AFG2A: variants seen among roughly 807,000 people sequenced by gnomAD.
AFG2A encodes AAA ATPase AFG2A.
At chr4:122,942,940 C>A in the AFG2A span, among the ~76,000 whole-genome samples, 5 of 151,798 alleles carry the variant, frequency 3.3e-5, no homozygotes, top group African/African-American at 1.2e-4. Flanking sequence ...TGTAGTTGAG[C>A]AGTTTTGAGT....
chr4:123,194,063 G>C, the AFG2A span, among the ~76,000 whole-genome samples: 1 of 152,154 alleles, frequency 6.6e-6, no homozygotes, highest in Non-Finnish European at 1.5e-5. Context: ...TTTCCACTGC[G>C]TCCTAGGGTG....
At chr4:122,996,569 G>GCAGATAGATAGATAGATAGA in the AFG2A span, among the ~76,000 whole-genome samples, 8 of 106,354 alleles carry the variant, frequency 7.5e-5, no homozygotes, top group Admixed American at 3.0e-4. Flanking sequence ...AGGTAGGTAG[G>GCAGATAGATAGATAGATAGA]CAGATAGATA....
chr4:123,163,202 G>T, the AFG2A span, among the ~76,000 whole-genome samples: 247 of 152,274 alleles, frequency 1.6e-3, 1 homozygote, highest in Middle Eastern at 0.014. Flanking sequence ...TTGGGAGGCC[G>T]AGGCGGGTGG....
the AFG2A span, among the ~76,000 whole-genome samples, chr4:122,964,694 C>CA: frequency 6.6e-6 from 1 of 152,104 alleles, no homozygotes; most frequent in Non-Finnish European, 1.5e-5. Flanking sequence ...GTGCCTTCCA[C>CA]AGTGCCATTA....
chr4:123,079,809 G>A, the AFG2A span, among the ~76,000 whole-genome samples: 6 of 137,604 alleles, frequency 4.4e-5, no homozygotes, highest in African/African-American at 1.7e-4. Context: ...GAATGCAGTG[G>A]CGAGGTCTCA....
At chr4:123,234,407 T>C in the AFG2A span, among the ~76,000 whole-genome samples, 1 of 152,146 alleles carries the variant, frequency 6.6e-6, no homozygotes, top group African/African-American at 2.4e-5. Flanking sequence ...AGGATTGCAC[T>C]AATTACCATA....
At chr4:123,145,751 A>T in the AFG2A span, among the ~76,000 whole-genome samples, 1 of 152,088 alleles carries the variant, frequency 6.6e-6, no homozygotes, top group East Asian at 1.9e-4. Flanking sequence ...ACTGATCCCC[A>T]ATGAGGTATA....
At chr4:123,069,541 A>G in the AFG2A span, among the ~76,000 whole-genome samples, 179 of 152,310 alleles carry the variant, frequency 1.2e-3, no homozygotes, top group Non-Finnish European at 2.1e-3. Context: ...TTTGGTATAG[A>G]TTCAAGAAAC....
the AFG2A span, among the ~76,000 whole-genome samples, chr4:123,018,446 A>T: frequency 6.6e-6 from 1 of 152,224 alleles, no homozygotes; most frequent in Non-Finnish European, 1.5e-5. Context: ...TTAAGCATAA[A>T]GTACTATTTG....
the AFG2A span, among the ~76,000 whole-genome samples, chr4:123,137,342 G>A: frequency 3.9e-5 from 6 of 152,176 alleles, no homozygotes; most frequent in African/African-American, 1.4e-4. Flanking sequence ...AAATGATGAA[G>A]TCTCCAAGTG....
At chr4:123,191,548 A>G in the AFG2A span, among the ~76,000 whole-genome samples, 3 of 152,176 alleles carry the variant, frequency 2.0e-5, no homozygotes, top group Admixed American at 1.3e-4. Flanking sequence ...CATACAAGGT[A>G]CATTCTCCAG....
the AFG2A span, among the ~76,000 whole-genome samples, chr4:123,249,418 G>A: frequency 2.6e-5 from 4 of 152,094 alleles, no homozygotes; most frequent in Admixed American, 6.6e-5. Context: ...TTTTCTCACA[G>A]GGTGAGAAAT....
At chr4:123,122,156 T>C in the AFG2A span, among the ~76,000 whole-genome samples, 1 of 152,180 alleles carries the variant, frequency 6.6e-6, no homozygotes, top group East Asian at 1.9e-4. Flanking sequence ...AGGATAATAT[T>C]TAGATAATCA....
chr4:123,099,887 G>A, the AFG2A span, among the ~76,000 whole-genome samples: 1 of 151,670 alleles, frequency 6.6e-6, no homozygotes, highest in Non-Finnish European at 1.5e-5. Context: ...TTAGTATTTA[G>A]CAACATTGGG....
the AFG2A span, among the ~76,000 whole-genome samples, chr4:123,103,896 G>C: frequency 7.9e-4 from 120 of 152,158 alleles, no homozygotes; most frequent in African/African-American, 2.7e-3. Context: ...AGATATAAAA[G>C]ACTATACACT....
At chr4:122,991,698 T>C in the AFG2A span, among the ~76,000 whole-genome samples, 1 of 152,230 alleles carries the variant, frequency 6.6e-6, no homozygotes, top group Non-Finnish European at 1.5e-5. Context: ...TATTGGTAGC[T>C]TAGGTTACTT....
chr4:123,154,671 TGG>T, the AFG2A span, among the ~76,000 whole-genome samples: 1 of 152,224 alleles, frequency 6.6e-6, no homozygotes, highest in African/African-American at 2.4e-5. Context: ...TAAATTTCTT[TGG>T]ACCTTAATTT....
chr4:123,037,585 AGTT>A, the AFG2A span, among the ~76,000 whole-genome samples: 2,151 of 152,146 alleles, frequency 0.014, 54 homozygotes, highest in African/African-American at 0.05. Context: ...TAAACTCTGT[AGTT>A]AGATATAAAT....
chr4:122,936,071 G>T, the AFG2A span: 1 of 1,549,476 alleles, frequency 6.5e-7, no homozygotes, highest in Non-Finnish European at 8.8e-7. Context: ...AATAAGAAAT[G>T]GTCTTTAAAT....
Sources: allele counts gnomAD v4.1 joint callset (sites outside exome capture counted in the v4.1 genomes callset), GRCh38; gene constraint gnomAD v4.1.1; transcripts MANE v1.5; gene names NCBI Gene and HGNC (gene_info 2026-07-23, HGNC 2026-07-21).